The following ADARB1 variants were observed in gnomAD, a reference collection of about 807,000 sequenced individuals.
ADARB1 encodes double-stranded RNA-specific editase 1.
A neutral mutation model predicts 52.4 loss-of-function variants in ADARB1; 10 were observed. The ratio of observed to expected loss-of-function variants is 0.19; its 90% CI spans 0.12 to 0.32. The LOEUF is 0.32. ADARB1 is among the 10% of genes least tolerant of loss of function. The pLI, the probability that ADARB1 is intolerant of heterozygous loss-of-function variation, is 1.00. For synonymous variants in ADARB1, 349 were observed against 371.1 expected, an observed-to-expected ratio of 0.94 and a Z score of 0.68; for missense variants, 643 against 922.3, an observed-to-expected ratio of 0.70 and a Z score of 3.92.
chr21:45,173,713 A>T (rs2091578181), intron 3 of ADARB1, among the ~76,000 whole-genome samples: 1 of 150,956 alleles, frequency 6.6e-6, no homozygotes. Context: ...TCTGAATTCC[A>T]TCTTGGCTCT....
rs879051024 is a variant in ADARB1 at position 45,180,388 on chromosome 21, A to G, written c.1022A>G (p.Asn341Ser). 6.2e-7 allele frequency: 1 copy of G among 1,614,080 alleles called. No individual in the cohort carries two copies. Among genetic ancestry groups the G allele is most frequent in the Non-Finnish European group, 8.5e-7 (1 of 1,180,008 alleles). Residue 341 changes from asparagine (N) to serine (S), a missense_variant, in exon 5 of 11, where the codon AAC becomes AGC. Transcript: ENST00000348831. The part of the protein sequence containing the change: ...VLGKFGDLTD[N>S]FSSPHARRKV... ...GGTAAGTTTGGTGACCTGACCGACA[A>G]CTTCTCCTCCCCTCACGCTCGCAGA...
chr21:45,199,740 G>A (rs2092508391), intron 8 of ADARB1, among the ~76,000 whole-genome samples: 1 of 152,208 alleles, frequency 6.6e-6, no homozygotes, highest in Non-Finnish European at 1.5e-5. Context: ...ATTTGGAAAA[G>A]AAAAGCCACA....
intron 1 of ADARB1, among the ~76,000 whole-genome samples, chr21:45,098,881 A>G (rs1454587167): frequency 1.3e-5 from 2 of 152,150 alleles, no homozygotes; most frequent in Non-Finnish European, 2.9e-5. Context: ...GTCAGAGCTT[A>G]TCCTTGACCT....
chr21:45,108,358 A>G (rs2087353952), intron 1 of ADARB1, among the ~76,000 whole-genome samples: 1 of 152,238 alleles, frequency 6.6e-6, no homozygotes, highest in Non-Finnish European at 1.5e-5. Flanking sequence ...TTTCTCATGT[A>G]CGTGCTTAAT....
chr21:45,156,749 G>T (rs1051320971), intron 2 of ADARB1, among the ~76,000 whole-genome samples: 1 of 152,068 alleles, frequency 6.6e-6, no homozygotes, highest in African/African-American at 2.4e-5. Context: ...TGGCACCAGG[G>T]GTTTGAACAT....
rs1462709706 is a variant in ADARB1, at chr21:45,224,753, C to T, written c.*2556C>T. ...GGGGCGGCTGTGGGGAGGAAGGTGACGTGCAGGGGACCAGAGGCTCTGCAC... is the reference window on the plus strand; with the variant it reads ...GGGGCGGCTGTGGGGAGGAAGGTGATGTGCAGGGGACCAGAGGCTCTGCAC... On this transcript the variant is annotated 3_prime_UTR_variant, in exon 11 of 11. Transcript: ENST00000348831. 4.3e-5 allele frequency: 40 copies of T among 928,344 alleles called. No individual in the cohort carries two copies. The highest frequency in any genetic ancestry group is 3.0e-4 in the East Asian group (2 of 6,756). The allele number at this position is 928,344 out of a possible 1,614,324, so 57.5% of individuals were successfully genotyped here. A position where few individuals can be genotyped will look rare whatever the true frequency, so the allele number is the denominator to read the frequency against.
intron 2 of ADARB1, among the ~76,000 whole-genome samples, chr21:45,149,253 G>C (rs1261494072): frequency 3.3e-5 from 5 of 152,186 alleles, no homozygotes; most frequent in Non-Finnish European, 5.9e-5. Context: ...CCTGACACCA[G>C]CTCTGTCCTC....
intron 2 of ADARB1, chr21:45,144,549 A>G (rs577790228): frequency 3.0e-5 from 12 of 403,870 alleles, no homozygotes; most frequent in African/African-American, 2.5e-4. Flanking sequence ...GATACAGTAA[A>G]TCGTTGCTAT....
At chr21:45,190,857 C>G (rs1398311035) in intron 8 of ADARB1, among the ~76,000 whole-genome samples, 1 of 152,240 alleles carries the variant, frequency 6.6e-6, no homozygotes, top group Non-Finnish European at 1.5e-5. Flanking sequence ...TTGTTTCCAT[C>G]CCAAGAGAAG....
In ADARB1 at chr21:45,223,163, G is replaced by A. The variant is rs2092995101; in HGVS notation, c.*966G>A. 4 of 985,478 alleles carry A rather than the reference G, an allele frequency of 4.1e-6. No individual in the cohort carries two copies. The South Asian group carries it at 1.9e-4, about 46-fold the overall frequency. The allele number at this position is 985,478 out of a possible 1,614,324, so 61.0% of individuals were successfully genotyped here. A position where few individuals can be genotyped will look rare whatever the true frequency, so the allele number is the denominator to read the frequency against. On this transcript the variant is annotated 3_prime_UTR_variant, in exon 11 of 11. Coordinates refer to ENST00000348831, the MANE Select transcript of ADARB1 (RefSeq NM_001112.4). Reference sequence around the variant, plus strand: ...AATGGATGTGGGTGACCGCCCGAAGGCCTTCACAGGATGGAAGTAGAATGA... The same window carrying A: ...AATGGATGTGGGTGACCGCCCGAAGACCTTCACAGGATGGAAGTAGAATGA...
At chr21:45,162,910 A>C (rs2091050163) in intron 2 of ADARB1, among the ~76,000 whole-genome samples, 1 of 151,754 alleles carries the variant, frequency 6.6e-6, no homozygotes, top group South Asian at 2.1e-4. Flanking sequence ...CCAGATGTGA[A>C]TCTTAACTCA....
intron 8 of ADARB1, among the ~76,000 whole-genome samples, chr21:45,195,015 C>T (rs1044583799): frequency 1.3e-5 from 2 of 152,192 alleles, no homozygotes; most frequent in Non-Finnish European, 2.9e-5. Flanking sequence ...AAAGTGGCTG[C>T]ACTGTTTTGC....
At chr21:45,091,533 A>G (rs1485708571) in intron 1 of ADARB1, among the ~76,000 whole-genome samples, 4 of 152,190 alleles carry the variant, frequency 2.6e-5, no homozygotes, top group African/African-American at 9.7e-5. Flanking sequence ...GGACATCATG[A>G]GACCTTATTC....
chr21:45,222,013 C>G lies in ADARB1; in HGVS notation c.1927-5C>G. The G allele has an allele frequency of 1.9e-6, 3 of 1,613,208 alleles. No homozygotes were observed. The highest frequency in any genetic ancestry group is 2.5e-6 in the Non-Finnish European group (3 of 1,179,572). On this transcript the variant is annotated splice_region_variant and splice_polypyrimidine_tract_variant and intron_variant, in intron 10 of 10. Transcript: ENST00000348831. ...AGTTGCATTTGTTTTTTTATCCCTT[C>G]ACAGGTTCCCTCCCACTTACTACGC...
chr21:45,088,839 A>C (rs757625704), intron 1 of ADARB1, among the ~76,000 whole-genome samples: 17 of 152,208 alleles, frequency 1.1e-4, no homozygotes, highest in Non-Finnish European at 2.1e-4. Flanking sequence ...CCCACACCAC[A>C]TGGCATGTGC....
In ADARB1 at chr21:45,221,915, G is replaced by A. The variant is rs2092971648; in HGVS notation, c.1927-103G>A. The stretch of plus-strand genomic sequence containing the variant: ...CTTCCTCTGGGTTGCTTTCCCCCCA[G>A]AAGCCAATGCAGTTCTGAAGGCCAT... On this transcript the variant is annotated intron_variant, in intron 10 of 10. Coordinates refer to ENST00000348831, the MANE Select transcript of ADARB1 (RefSeq NM_001112.4). This position sits in a 1 kb window ranked among gnomAD's most constrained non-coding sequence, Gnocchi z 4.9. The A allele has an allele frequency of 7.6e-7, 1 of 1,315,556 alleles. No individual in the cohort carries two copies. Among genetic ancestry groups the A allele is most frequent in the Non-Finnish European group, 1.0e-6 (1 of 953,924 alleles). The allele number at this position is 1,315,556 out of a possible 1,614,324, so 81.5% of individuals were successfully genotyped here.
At chr21:45,093,731 AG>A (rs1323132184) in intron 1 of ADARB1, among the ~76,000 whole-genome samples, 1 of 152,168 alleles carries the variant, frequency 6.6e-6, no homozygotes, top group African/African-American at 2.4e-5. Flanking sequence ...CAGGGTGAAG[AG>A]GCCCTGGAGG....
intron 9 of ADARB1, among the ~76,000 whole-genome samples, chr21:45,207,783 T>G (rs888386853): frequency 4.6e-5 from 7 of 152,170 alleles, no homozygotes; most frequent in African/African-American, 1.7e-4. Flanking sequence ...CCTAGTGAAT[T>G]GTAGTGTCTT....
chr21:45,128,594 A>T lies in ADARB1; in HGVS notation c.-48+21A>T, dbSNP rs1034299611. ...TCAAGGTGAGTAAAAACCTGTAAAG[A>T]TCTGATCAAATCTGACTGGTAGAAA... On this transcript the variant is annotated intron_variant, in intron 2 of 10. Transcript: ENST00000348831. This position sits in a 1 kb window ranked among gnomAD's most constrained non-coding sequence, Gnocchi z 4.6. 2 of 152,260 alleles carry T rather than the reference A, an allele frequency of 1.3e-5. No homozygotes were observed. Among genetic ancestry groups the T allele is most frequent in the African/African-American group, 4.8e-5 (2 of 41,476 alleles). The allele number at this position is 152,260 out of a possible 1,614,324, so 9.4% of individuals were successfully genotyped here. A position where few individuals can be genotyped will look rare whatever the true frequency, so the allele number is the denominator to read the frequency against.
Sources: gnomAD v4.1 joint callset for allele counts (sites outside exome capture counted in the v4.1 genomes callset) on GRCh38, gnomAD v4.1.1 for gene constraint, Gnocchi (gnomAD v3.1) non-coding constraint, MANE v1.5 for transcripts, NCBI Gene and HGNC (gene_info 2026-07-23, HGNC 2026-07-21) for gene names.